RAF1: variants seen among roughly 807,000 people sequenced by gnomAD.
RAF1 encodes Raf-1 proto-oncogene, serine/threonine kinase, also known as RAF proto-oncogene serine/threonine-protein kinase.
A neutral mutation model predicts 81.1 loss-of-function variants in RAF1; 27 were observed. The ratio of observed to expected loss-of-function variants is 0.33; its 90% confidence interval spans 0.25 to 0.46. RAF1 has a LOEUF of 0.46. Ranked by LOEUF, RAF1 falls within the 20% of genes least tolerant of loss-of-function variation. The pLI is 1.00. For synonymous variants in RAF1, 298 were observed against 294.0 expected (o/e 1.01, Z -0.14); for missense variants, 598 against 826.0 (o/e 0.72, Z 3.38).
intron 1 of RAF1, among the ~76,000 whole-genome samples, chr3:12,659,048 T>C (rs2060789141): frequency 1.3e-5 from 2 of 152,120 alleles, no homozygotes; most frequent in African/African-American, 4.8e-5. Flanking sequence ...GACTCAAACA[T>C]TGTAAAATTA....
Position 12,600,246 on chromosome 3 carries a change from T to C in RAF1, c.956A>G (p.Asn319Ser), listed in dbSNP as rs866428774. ...CTGTGACCAGCCTGTTGGGCTCAGA[T>C]TGTTGGGGCTACTGGACAGGGCTGA... Residue 319 changes from asparagine (N) to serine (S), a missense_variant, in exon 10 of 18, where the codon AAT becomes AGT. By Grantham distance (46) the Asn-to-Ser change is conservative. This residue lies in a region of RAF1 where 194 missense variants were observed against 202.7 expected (regional missense o/e 0.96). Coordinates refer to ENST00000442415, the MANE Select transcript of RAF1 (RefSeq NM_001354689.3). 6.2e-7 allele frequency: 1 copy of C among 1,614,160 alleles called. No homozygotes were observed. Among genetic ancestry groups the C allele is most frequent in the South Asian group, 1.1e-5 (1 of 91,082 alleles).
At position 12,583,774 on chromosome 3, in the gene RAF1, T is replaced by C. The variant is rs1452557052; in HGVS notation, c.*740A>G. The C allele has an allele frequency of 8.6e-6, 2 of 232,300 alleles. No homozygotes were observed. The highest frequency in any genetic ancestry group is 1.7e-5 in the Non-Finnish European group (2 of 118,102). The allele number at this position is 232,300 out of a possible 1,614,324, so 14.4% of individuals were successfully genotyped here. A position where few individuals can be genotyped will look rare whatever the true frequency, so the allele number is the denominator to read the frequency against. On this transcript the variant is annotated 3_prime_UTR_variant, in exon 18 of 18. Transcript: ENST00000442415. ...GACTAGAGAAACAAGGCTGTTTGTT[T>C]GTTTGTTTGTTAGAGAAACAAGGCT...
chr3:12,618,398 AAAAT>A, intron 2 of RAF1, 113 bp downstream of exon 2: 1 of 1,131,454 alleles, frequency 8.8e-7, no homozygotes, highest in Non-Finnish European at 1.3e-6. Flanking sequence ...TAGAAAAAAA[AAAAT>A]AAAGACCCTA....
At chr3:12,651,838 C>A (rs576066765) in intron 1 of RAF1, among the ~76,000 whole-genome samples, 2 of 150,078 alleles carry the variant, frequency 1.3e-5, no homozygotes, top group African/African-American at 4.9e-5. Context: ...GGTGAAAACC[C>A]GTCTCTACTA....
chr3:12,585,140 G>A lies in RAF1; in HGVS notation c.1710C>T (p.His570=), dbSNP rs2058289463. 1 of 1,614,208 alleles carries A rather than the reference G, an allele frequency of 6.2e-7. No individual in the cohort carries two copies. Among genetic ancestry groups the A allele is most frequent in the Non-Finnish European group, 8.5e-7 (1 of 1,180,038 alleles). The change falls in exon 16 of 18, where the codon CAC becomes CAT. Residue 570 remains histidine, a synonymous_variant. Coordinates refer to ENST00000442415, the MANE Select transcript of RAF1 (RefSeq NM_001354689.3). ...GACTTACCTGATCTCGGTTGTTGAT[G>A]TGAGAATAAGGAAGCTCCCCCGTCA...
chr3:12,663,284 C>T (rs2060940262), intron 1 of RAF1, among the ~76,000 whole-genome samples: 1 of 152,174 alleles, frequency 6.6e-6, no homozygotes, highest in South Asian at 2.1e-4. Context: ...ACCCAGAGTC[C>T]TGATACCCAA....
intron 1 of RAF1, among the ~76,000 whole-genome samples, chr3:12,654,927 G>A (rs1189865781): frequency 6.7e-6 from 1 of 150,080 alleles, no homozygotes; most frequent in Admixed American, 6.6e-5. Context: ...TGTAATCCCA[G>A]TACTTTAGGA....
intron 2 of RAF1, among the ~76,000 whole-genome samples, 165 bp downstream of exon 2, chr3:12,618,350 G>A (rs2059441592): frequency 6.6e-6 from 1 of 151,706 alleles, no homozygotes; most frequent in African/African-American, 2.4e-5. Context: ...AATAGGGGGT[G>A]TGGAAGGAAC....
intron 1 of RAF1, among the ~76,000 whole-genome samples, chr3:12,655,175 C>T (rs1187627366): frequency 1.3e-5 from 2 of 152,148 alleles, no homozygotes; most frequent in Non-Finnish European, 2.9e-5. Flanking sequence ...CTCTGCCTCC[C>T]GAGTTCAAGC....
chr3:12,593,611 G>C (rs1405577949), intron 11 of RAF1, among the ~76,000 whole-genome samples: 1 of 152,068 alleles, frequency 6.6e-6, no homozygotes, highest in Non-Finnish European at 1.5e-5. Context: ...TATGTTTGGA[G>C]CTACCTTCTA....
At chr3:12,627,906 G>A (rs2059752338) in intron 1 of RAF1, among the ~76,000 whole-genome samples, 1 of 152,232 alleles carries the variant, frequency 6.6e-6, no homozygotes, top group Non-Finnish European at 1.5e-5. Context: ...GATAACCTGA[G>A]GTCAGGAGGT....
At chr3:12,617,243 G>C (rs2059397207) in intron 2 of RAF1, among the ~76,000 whole-genome samples, 2 of 152,298 alleles carry the variant, frequency 1.3e-5, no homozygotes, top group South Asian at 2.1e-4. Flanking sequence ...CTCCCAAGTA[G>C]CTGGGATTAC....
intron 1 of RAF1, among the ~76,000 whole-genome samples, chr3:12,643,054 GAAGT>G (rs771176558): frequency 6.6e-6 from 1 of 152,086 alleles, no homozygotes; most frequent in Admixed American, 6.6e-5. Context: ...ATTCTTTCAA[GAAGT>G]AAGATCCATT....
At chr3:12,589,442 T>C (rs1219937704) in intron 13 of RAF1, 1 of 152,196 alleles carries the variant, frequency 6.6e-6, no homozygotes, top group Non-Finnish European at 1.5e-5. Context: ...AGCACAGCTA[T>C]AGCTTAGTAA....
chr3:12,592,337 A>G (rs2058541585), intron 11 of RAF1, among the ~76,000 whole-genome samples: 1 of 152,206 alleles, frequency 6.6e-6, no homozygotes, highest in African/African-American at 2.4e-5. Context: ...TCCACATTTC[A>G]GTGAGACCTA....
intron 1 of RAF1, among the ~76,000 whole-genome samples, chr3:12,643,038 T>C (rs1254901658): frequency 1.3e-5 from 2 of 152,156 alleles, no homozygotes; most frequent in Admixed American, 1.3e-4. Context: ...TTGGTTTTCA[T>C]CTCCTATTCT....
intron 5 of RAF1, among the ~76,000 whole-genome samples, chr3:12,607,239 C>T (rs2059062314): frequency 6.6e-6 from 1 of 152,138 alleles, no homozygotes; most frequent in African/African-American, 2.4e-5. Context: ...CAGCAAGCCT[C>T]ATAAGAACAA....
At chr3:12,654,364 G>A (rs2060621805) in intron 1 of RAF1, among the ~76,000 whole-genome samples, 1 of 152,054 alleles carries the variant, frequency 6.6e-6, no homozygotes, top group Non-Finnish European at 1.5e-5. Flanking sequence ...CATTTTGGGA[G>A]GCCAAGGCGG....
chr3:12,655,450 C>T (rs1214418912), intron 1 of RAF1, among the ~76,000 whole-genome samples: 3 of 152,198 alleles, frequency 2.0e-5, no homozygotes, highest in Non-Finnish European at 4.4e-5. Flanking sequence ...TGTGGCAAAA[C>T]TGGAACCCTT....
Sources: allele counts gnomAD v4.1 joint callset (sites outside exome capture counted in the v4.1 genomes callset), GRCh38; gene constraint gnomAD v4.1.1; regional missense constraint gnomAD v4.1.1; transcripts MANE v1.5; gene names NCBI Gene and HGNC (gene_info 2026-07-23, HGNC 2026-07-21).